GRM7: variants seen among roughly 807,000 people sequenced by gnomAD.
GRM7 encodes glutamate metabotropic receptor 7.
In GRM7, 35 loss-of-function variants were observed where a neutral mutation model predicts 84.5. That is an observed-to-expected ratio of 0.41 (90% CI 0.32 to 0.55). The LOEUF (loss-of-function observed/expected upper bound fraction) is 0.55. Ranked by LOEUF, GRM7 falls within the 20% of genes least tolerant of loss-of-function variation. The probability of loss-of-function intolerance (pLI) is 0.19; values close to 1 mark genes in which losing one functional copy is unlikely to be tolerated. For missense variants in GRM7, 1,003 were observed against 1,194.6 expected (o/e 0.84, Z 2.36); for synonymous variants, 487 against 455.1 (o/e 1.07, Z -0.89).
At chr3:6,984,442 A>C (rs1301163998) in intron 1 of GRM7, among the ~76,000 whole-genome samples, 1 of 152,224 alleles carries the variant, frequency 6.6e-6, no homozygotes, top group Non-Finnish European at 1.5e-5. Flanking sequence ...AGATTTCATT[A>C]CGTAGACTTT....
intron 7 of GRM7, among the ~76,000 whole-genome samples, chr3:7,570,424 C>T (rs531478295): frequency 6.6e-6 from 1 of 152,260 alleles, no homozygotes; most frequent in Admixed American, 6.5e-5. Flanking sequence ...ACAGCCATTC[C>T]ACATGGGAGA....
intron 2 of GRM7, among the ~76,000 whole-genome samples, chr3:7,255,440 A>G (rs1698159337): frequency 6.6e-6 from 1 of 152,258 alleles, no homozygotes; most frequent in East Asian, 1.9e-4. Flanking sequence ...GCATAAAGTA[A>G]GGAATGAGCA....
chr3:6,927,490 A>AAAGG (rs1697348662), intron 1 of GRM7, among the ~76,000 whole-genome samples: 2 of 148,044 alleles, frequency 1.4e-5, no homozygotes, highest in Non-Finnish European at 1.5e-5. Flanking sequence ...AGAAAGAAAG[A>AAAGG]AAGAAAGAAA....
chr3:7,641,277 T>G (rs2125104849), intron 8 of GRM7, among the ~76,000 whole-genome samples: 1 of 152,270 alleles, frequency 6.6e-6, no homozygotes, highest in Non-Finnish European at 1.5e-5. Flanking sequence ...TTGAGACCAA[T>G]TATCTGCTGG....
At chr3:7,133,725 T>G (rs929681994) in intron 1 of GRM7, among the ~76,000 whole-genome samples, 1 of 152,208 alleles carries the variant, frequency 6.6e-6, no homozygotes, top group Non-Finnish European at 1.5e-5. Context: ...GTTTAGTTTT[T>G]GTCTCCTAAT....
At chr3:7,665,254 A>C (rs9821215) in intron 8 of GRM7, among the ~76,000 whole-genome samples, 2,251 of 146,698 alleles carry the variant, frequency 0.015, 47 homozygotes, top group East Asian at 0.089. Flanking sequence ...TCACTGCAAG[A>C]TCCGCCTCCC....
intron 7 of GRM7, among the ~76,000 whole-genome samples, chr3:7,499,113 A>G (rs1699799371): frequency 6.6e-6 from 1 of 152,120 alleles, no homozygotes; most frequent in Non-Finnish European, 1.5e-5. Flanking sequence ...TCTTTGCTCC[A>G]TGTCTGTCTA....
intron 2 of GRM7, among the ~76,000 whole-genome samples, chr3:7,230,871 A>C (rs1697171621): frequency 6.6e-6 from 1 of 152,218 alleles, no homozygotes; most frequent in Non-Finnish European, 1.5e-5. Context: ...AAACCCTTTT[A>C]GTATATTCAT....
rs180703296 is a variant in GRM7, at chr3:7,291,702, C to T, written c.737-6982C>T. Among the ~76,000 whole-genome samples the T allele has an allele frequency of 5.1e-3, 781 of 152,238 alleles. 2 individuals are homozygous for T. Among genetic ancestry groups the T allele is most frequent in the Non-Finnish European group, 9.2e-3 (624 of 68,018 alleles). On this transcript the variant is annotated intron_variant, in intron 2 of 9. Transcript: ENST00000357716. ...GGGAAACACACTTGACCCCTTTTGA[C>T]TGTGATCAGTGGTGAGTGGTTGTAT... is the stretch of plus-strand genomic sequence containing the variant.
At chr3:6,888,507 G>T (rs1695796828) in intron 1 of GRM7, among the ~76,000 whole-genome samples, 1 of 152,192 alleles carries the variant, frequency 6.6e-6, no homozygotes, top group South Asian at 2.1e-4. Context: ...CCCATTGCTT[G>T]TTTTTCTCAG....
chr3:7,136,416 G>T (rs1246513903), intron 1 of GRM7, among the ~76,000 whole-genome samples: 1 of 147,194 alleles, frequency 6.8e-6, no homozygotes, highest in Admixed American at 6.7e-5. Flanking sequence ...AGGTTGTCAG[G>T]AACTAAGGCC....
At chr3:6,897,062 G>T (rs938661545) in intron 1 of GRM7, among the ~76,000 whole-genome samples, 1 of 152,168 alleles carries the variant, frequency 6.6e-6, no homozygotes, top group African/African-American at 2.4e-5. Flanking sequence ...CACATAGTCG[G>T]TGCTCCTAGG....
chr3:7,189,451 C>G (rs1559493276), intron 2 of GRM7, among the ~76,000 whole-genome samples: 1 of 152,234 alleles, frequency 6.6e-6, no homozygotes, highest in East Asian at 1.9e-4. Context: ...AAGATTAATG[C>G]TGTAAATATT....
intron 1 of GRM7, among the ~76,000 whole-genome samples, chr3:6,910,567 T>C (rs918159651): frequency 2.6e-5 from 4 of 152,138 alleles, no homozygotes; most frequent in African/African-American, 9.7e-5. Flanking sequence ...CTAAATACAG[T>C]GAGCCTATAA....
intron 8 of GRM7, among the ~76,000 whole-genome samples, chr3:7,676,158 T>G (rs1448622494): frequency 1.3e-5 from 2 of 152,128 alleles, no homozygotes; most frequent in Non-Finnish European, 2.9e-5. Flanking sequence ...GGTAAAATAA[T>G]AACCATGGGA....
chr3:7,640,596 A>G (rs758384837), intron 8 of GRM7, among the ~76,000 whole-genome samples: 2 of 152,236 alleles, frequency 1.3e-5, no homozygotes, highest in South Asian at 4.1e-4. Flanking sequence ...GAAGGAAAAT[A>G]TATTCCATTT....
At chr3:7,373,418 T>C (rs1694218787) in intron 4 of GRM7, among the ~76,000 whole-genome samples, 1 of 152,192 alleles carries the variant, frequency 6.6e-6, no homozygotes, top group African/African-American at 2.4e-5. Flanking sequence ...TATGTGGATG[T>C]TTAGGCTAAG....
chr3:7,097,576 A>C (rs1023501510), intron 1 of GRM7, among the ~76,000 whole-genome samples: 1 of 152,140 alleles, frequency 6.6e-6, no homozygotes, highest in Non-Finnish European at 1.5e-5. Flanking sequence ...TAAGAGAATT[A>C]GAATTTCCAA....
chr3:6,916,221 T>C (rs1225920352), intron 1 of GRM7, among the ~76,000 whole-genome samples: 2 of 152,178 alleles, frequency 1.3e-5, no homozygotes, highest in African/African-American at 4.8e-5. Context: ...ATCTTCTGTT[T>C]TGGAAAGCTT....
Sources: gnomAD v4.1 joint callset for allele counts (sites outside exome capture counted in the v4.1 genomes callset) on GRCh38, gnomAD v4.1.1 for gene constraint, MANE v1.5 for transcripts, NCBI Gene and HGNC (gene_info 2026-07-23, HGNC 2026-07-21) for gene names.